BRD1: variants seen among roughly 807,000 people sequenced by gnomAD.
BRD1 encodes bromodomain containing 1.
In BRD1, 24 loss-of-function variants were observed where a neutral mutation model predicts 107.7. The ratio of observed to expected loss-of-function variants is 0.22; its 90% CI spans 0.16 to 0.31. The LOEUF (loss-of-function observed/expected upper bound fraction) is 0.31. Ranked by LOEUF, BRD1 falls within the 10% of genes least tolerant of loss-of-function variation. The probability of loss-of-function intolerance (pLI) is 1.00; values close to 1 mark genes in which losing one functional copy is unlikely to be tolerated. For missense variants in BRD1, 1,279 were observed against 1,638.6 expected, an observed-to-expected ratio of 0.78 and a Z score of 3.79; for synonymous variants, 744 against 686.1, an observed-to-expected ratio of 1.08 and a Z score of -1.32.
chr22:49,822,196 C>G (rs1187844365), intron 2 of BRD1, among the ~76,000 whole-genome samples: 1 of 152,212 alleles, frequency 6.6e-6, no homozygotes, highest in Non-Finnish European at 1.5e-5. Flanking sequence ...GATGCAGAGG[C>G]AGGCAGACTG....
In BRD1 at chr22:49,804,256, G is replaced by T. The variant is rs779806533; in HGVS notation, c.1472C>A (p.Pro491His). The T allele has an allele frequency of 2.5e-6, 4 of 1,609,450 alleles. No homozygotes were observed. The South Asian group carries it at 4.4e-5, about 18-fold the overall frequency. Reference protein sequence around the residue: ...LLKRLSRNGAPLLRRLQSSLQ... With the variant: ...LLKRLSRNGAHLLRRLQSSLQ... ...GCTGGACTGCAGCCGCCGCAGCAGG[G>T]GGGCCCCGTTCCTGGACAGCCGCTT... The change falls in exon 3 of 13, where the codon CCC (proline) becomes CAC (histidine). Residue 491 changes from proline to histidine, a missense_variant. By Grantham distance (77) the Pro-to-His change is moderately conservative. Around this residue, in one of 7 missense-constraint regions of BRD1, gnomAD observed 406 missense variants for 519.4 expected, o/e 0.78. Coordinates refer to ENST00000404760, the MANE Select transcript of BRD1 (RefSeq NM_001304808.3).
rs1238094719 is a variant in BRD1, at chr22:49,774,230, C to A, written c.*3G>T. On this transcript the variant is annotated 3_prime_UTR_variant, in exon 13 of 13. Coordinates refer to ENST00000404760, the MANE Select transcript of BRD1 (RefSeq NM_001304808.3). ...GACAAGACCCGCGCTGGCGGCCGGG[C>A]CGTCAGTCAATGTCACTGAGGTCGC... The A allele has an allele frequency of 6.2e-7, 1 of 1,611,562 alleles. No homozygotes were observed. Among genetic ancestry groups the A allele is most frequent in the Non-Finnish European group, 8.5e-7 (1 of 1,178,492 alleles).
chr22:49,798,209 T>A (rs1336789387), intron 5 of BRD1, 92 bp from the exon 6 acceptor site: 1 of 1,300,066 alleles, frequency 7.7e-7, no homozygotes, highest in Non-Finnish European at 1.1e-6. Flanking sequence ...CACAAGCCCA[T>A]CCTATCTGAG....
At position 49,775,902 on chromosome 22, in the gene BRD1, G is replaced by C. The variant is rs2059085535; in HGVS notation, c.3231+148C>G. Reference sequence around the variant, plus strand: ...CGCCGAACCACCCCTGCCCCTTCCAGCTGTGTGAACCTCCTCTGACCAACC... The same window carrying C: ...CGCCGAACCACCCCTGCCCCTTCCACCTGTGTGAACCTCCTCTGACCAACC... On this transcript the variant is annotated intron_variant, in intron 11 of 12. Transcript: ENST00000404760. 7.0e-6 allele frequency: 7 copies of C among 1,002,364 alleles called. No homozygotes were observed. In the South Asian group the frequency reaches 1.1e-4, roughly 16 times the overall value. 62.1% of individuals were successfully genotyped at this position (1,002,364 alleles called of 1,614,324 possible).
intron 2 of BRD1, among the ~76,000 whole-genome samples, chr22:49,819,036 T>TTG: frequency 6.6e-6 from 1 of 151,108 alleles, no homozygotes; most frequent in East Asian, 2.0e-4. Context: ...GGCAGGCAGA[T>TTG]CACCTGAAGT....
chr22:49,795,593 C>A (rs770553725), intron 6 of BRD1, among the ~76,000 whole-genome samples: 1 of 152,212 alleles, frequency 6.6e-6, no homozygotes, highest in Non-Finnish European at 1.5e-5. Context: ...GCCCTAGGGG[C>A]AAAGGAGGCT....
At chr22:49,777,627 C>A (rs56244016) in intron 9 of BRD1, 51 bp downstream of exon 9, 3 of 1,577,022 alleles carry the variant, frequency 1.9e-6, no homozygotes, top group Admixed American at 1.8e-5. Context: ...CCAGGCGGGG[C>A]GGGCGGTGCT....
chr22:49,810,195 C>T (rs765083305), intron 2 of BRD1, among the ~76,000 whole-genome samples: 5 of 152,080 alleles, frequency 3.3e-5, no homozygotes, highest in Non-Finnish European at 7.3e-5. Context: ...TTCTAGACTG[C>T]TATCAGGTAA....
In BRD1 at chr22:49,798,996, G is replaced by T; in HGVS notation, c.1648C>A (p.Arg550Ser). The T allele has an allele frequency of 6.2e-7, 1 of 1,607,528 alleles. No homozygotes were observed. Residue 550 changes from arginine to serine, a missense_variant, in exon 4 of 13, where the codon CGT becomes AGT. By Grantham distance (110) the Arg-to-Ser change is moderately radical. This residue lies in a region of BRD1 where 406 missense variants were observed against 519.4 expected (regional missense o/e 0.78). Coordinates refer to ENST00000404760, the MANE Select transcript of BRD1 (RefSeq NM_001304808.3). ...ELLRKREKLK[R>S]EQVKVEQVAM... ...GACAGGCCCAGCCCCACCTGCTCACGCTTGAGCTTCTCCCGCTTGCGCAGC... is the reference window on the plus strand; with the variant it reads ...GACAGGCCCAGCCCCACCTGCTCACTCTTGAGCTTCTCCCGCTTGCGCAGC...
intron 2 of BRD1, among the ~76,000 whole-genome samples, chr22:49,814,568 A>C (rs1322178077): frequency 6.6e-6 from 1 of 152,256 alleles, no homozygotes; most frequent in Admixed American, 6.5e-5. Context: ...AAGAGGACGC[A>C]GCCCCAGCAA....
chr22:49,802,129 G>A (rs543678304), intron 3 of BRD1, among the ~76,000 whole-genome samples: 32 of 151,818 alleles, frequency 2.1e-4, no homozygotes, highest in South Asian at 6.2e-4. Context: ...CCCCAACATC[G>A]CAGGGGCGGA....
chr22:49,824,623 C>A lies in BRD1; in HGVS notation c.-14-292G>T, dbSNP rs1300180200. ...TCCCCTCTCAGACCACACCAACAGG[C>A]TGCGGAGACCACAGCAACGCTCCCC... On this transcript the variant is annotated intron_variant, in intron 1 of 12. Transcript: ENST00000404760. This position sits in a 1 kb window ranked among gnomAD's most constrained non-coding sequence, Gnocchi z 5.9. 23 of 1,212,356 alleles carry A rather than the reference C, an allele frequency of 1.9e-5. No individual in the cohort carries two copies. Among genetic ancestry groups the A allele is most frequent in the African/African-American group, 4.6e-5 (3 of 64,872 alleles). The allele number at this position is 1,212,356 out of a possible 1,614,324, so 75.1% of individuals were successfully genotyped here. A position where few individuals can be genotyped will look rare whatever the true frequency, so the allele number is the denominator to read the frequency against.
intron 2 of BRD1, among the ~76,000 whole-genome samples, chr22:49,807,512 G>C (rs771030537): frequency 6.6e-6 from 1 of 152,184 alleles, no homozygotes; most frequent in Non-Finnish European, 1.5e-5. Flanking sequence ...ATTCAGAGGG[G>C]AAAAGACAGT....
At chr22:49,790,014 G>A (rs768759687) in intron 7 of BRD1, among the ~76,000 whole-genome samples, 38 of 152,318 alleles carry the variant, frequency 2.5e-4, no homozygotes, top group Admixed American at 2.2e-3. Context: ...GCCTCTCTGC[G>A]GCAGCTCCAC....
At chr22:49,794,328 G>T in intron 6 of BRD1, 34 bp from the exon 7 acceptor site, 1 of 1,582,020 alleles carries the variant, frequency 6.3e-7, no homozygotes. Context: ...CAGTCATCAG[G>T]TCCCACGCAC....
At chr22:49,820,630 G>A (rs554300814) in intron 2 of BRD1, among the ~76,000 whole-genome samples, 15 of 150,474 alleles carry the variant, frequency 1.0e-4, no homozygotes, top group African/African-American at 3.7e-4. Flanking sequence ...AAAATAAGAA[G>A]CTTCACCCTC....
chr22:49,799,425 G>A (rs1460963516), intron 3 of BRD1, among the ~76,000 whole-genome samples: 1 of 152,226 alleles, frequency 6.6e-6, no homozygotes, highest in Non-Finnish European at 1.5e-5. Flanking sequence ...TGGCGGCGGG[G>A]GGGGCCTTCA....
In BRD1 at chr22:49,786,943, A is replaced by G. The variant is rs117309460; in HGVS notation, c.2857+447T>C. ...CCCCCATCTCTACCAAAAATTTTCA[A>G]ATTAGCTGGGAGTGGTGGTGTGCAC... On this transcript the variant is annotated intron_variant, in intron 8 of 12. Transcript: ENST00000404760. 4.2e-3 allele frequency among the ~76,000 whole-genome samples: 637 copies of G among 152,156 alleles called. 1 individual carries two copies. Among genetic ancestry groups the G allele is most frequent in the Non-Finnish European group, 5.7e-3 (388 of 68,010 alleles).
rs2059683578 is a variant in BRD1, at chr22:49,803,692, C to T, written c.1524+512G>A. Among the ~76,000 whole-genome samples the T allele has an allele frequency of 6.6e-6, 1 of 152,158 alleles. No individual in the cohort carries two copies. Among genetic ancestry groups the T allele is most frequent in the Non-Finnish European group, 1.5e-5 (1 of 68,022 alleles). On this transcript the variant is annotated intron_variant, in intron 3 of 12. Coordinates refer to ENST00000404760, the MANE Select transcript of BRD1 (RefSeq NM_001304808.3). The surrounding 1 kb of genome is among the most constrained non-coding windows in gnomAD (Gnocchi z 4.4). ...CACTCTCTCAGCTCTCTCGAGCCCT[C>T]CCCACCCCACCACAGTCCCAGCTAA...
Sources: allele counts gnomAD v4.1 joint callset (sites outside exome capture counted in the v4.1 genomes callset), GRCh38; gene constraint gnomAD v4.1.1; regional missense constraint gnomAD v4.1.1; non-coding constraint Gnocchi (gnomAD v3.1); transcripts MANE v1.5; gene names NCBI Gene and HGNC (gene_info 2026-07-23, HGNC 2026-07-21).